Variants in ATP6V1A observed in about 807,000 individuals in gnomAD.
The protein encoded by ATP6V1A is V-type proton ATPase catalytic subunit A.
ATP6V1A carries 18 observed loss-of-function variants against 70.1 expected under a neutral mutation model. The observed-to-expected ratio is 0.26, with a 90% CI of 0.18 to 0.38. ATP6V1A has a LOEUF of 0.38. Ranked by LOEUF, ATP6V1A falls within the 10% of genes least tolerant of loss-of-function variation. ATP6V1A has a pLI of 1.00. For synonymous variants in ATP6V1A, 232 were observed against 253.8 expected (o/e 0.91, Z 0.82); for missense variants, 424 against 772.4 (o/e 0.55, Z 5.35).
chr3:113,757,483 C>G (rs1345843902), intron 1 of ATP6V1A, among the ~76,000 whole-genome samples: 1 of 152,192 alleles, frequency 6.6e-6, no homozygotes, highest in East Asian at 1.9e-4. Flanking sequence ...GACAACAAAC[C>G]CTTCTATGCC....
At chr3:113,775,862 A>G (rs1369209100) in intron 1 of ATP6V1A, among the ~76,000 whole-genome samples, 1 of 152,178 alleles carries the variant, frequency 6.6e-6, no homozygotes. Context: ...CACCTCATTC[A>G]CTTGTTCACT....
chr3:113,762,985 C>G (rs555705766), intron 1 of ATP6V1A, among the ~76,000 whole-genome samples: 8 of 152,198 alleles, frequency 5.3e-5, no homozygotes, highest in Admixed American at 2.6e-4. Context: ...CAATTTTTTC[C>G]CCATGTTTCC....
intron 1 of ATP6V1A, among the ~76,000 whole-genome samples, chr3:113,759,291 T>G (rs941941437): frequency 1.3e-5 from 2 of 151,396 alleles, no homozygotes; most frequent in South Asian, 2.1e-4. Flanking sequence ...TTACGGGTTT[T>G]TTTTTTTTTT....
chr3:113,808,848 T>A (rs1246076881), intron 14 of ATP6V1A, among the ~76,000 whole-genome samples: 1 of 152,170 alleles, frequency 6.6e-6, no homozygotes, highest in African/African-American at 2.4e-5. Flanking sequence ...TCTTTCTGTT[T>A]GGTTGGATTT....
intron 1 of ATP6V1A, among the ~76,000 whole-genome samples, chr3:113,748,553 TTTTG>T (rs1662256628): frequency 6.6e-6 from 1 of 152,222 alleles, no homozygotes; most frequent in African/African-American, 2.4e-5. Context: ...ACTGATTTAT[TTTTG>T]TTTTTCTGTG....
chr3:113,782,604 A>G lies in ATP6V1A; in HGVS notation c.211+1426A>G, dbSNP rs140377014. Among the ~76,000 whole-genome samples, 32 of 146,332 alleles carry G rather than the reference A, an allele frequency of 2.2e-4. No individual in the cohort carries two copies. The East Asian group carries it at 2.4e-3, about 11-fold the overall frequency. On this transcript the variant is annotated intron_variant, in intron 3 of 14. Transcript: ENST00000273398. ...TATATACACATATATATATATATAC[A>G]TATATATATGGTTTTTTTGTTTGTT... is the stretch of plus-strand genomic sequence containing the variant.
chr3:113,781,133 C>T lies in ATP6V1A; in HGVS notation c.166C>T (p.Arg56Ter). The change falls in exon 3 of 15, where the codon CGA becomes TGA. Residue 56 changes from arginine to a stop codon, truncating the protein, a stop_gained. Transcript: ENST00000273398. LOFTEE classifies it high-confidence loss of function. ...CAGCGAATTGGTTGGAGAGATTATT[C>T]GATTGGAGGGTGACATGGCTACTAT... Reference protein sequence around the residue: ...GHSELVGEIIRLEGDMATIQV... With the variant: ...GHSELVGEII 5 of 1,613,578 alleles carry T rather than the reference C, an allele frequency of 3.1e-6. No individual in the cohort carries two copies. Among genetic ancestry groups the T allele is most frequent in the Non-Finnish European group, 2.5e-6 (3 of 1,179,714 alleles).
At chr3:113,801,543 A>G (rs1013109919) in intron 12 of ATP6V1A, among the ~76,000 whole-genome samples, 39 of 152,206 alleles carry the variant, frequency 2.6e-4, no homozygotes, top group East Asian at 3.8e-4. Flanking sequence ...GAACCTAGCA[A>G]TTCTGTTTCT....
In ATP6V1A at chr3:113,762,144, C is replaced by A. The variant is rs559961719; in HGVS notation, c.-14+15031C>A. Among the ~76,000 whole-genome samples the A allele has an allele frequency of 1.6e-4, 20 of 128,196 alleles. 1 individual carries two copies. In the South Asian group the frequency reaches 4.0e-3, roughly 25 times the overall value. The allele number at this position is 128,196 out of a possible 152,430, so 84.1% of individuals were successfully genotyped here. A position where few individuals can be genotyped will look rare whatever the true frequency, so the allele number is the denominator to read the frequency against. On this transcript the variant is annotated intron_variant, in intron 1 of 14. Transcript: ENST00000273398. The stretch of plus-strand genomic sequence containing the variant: ...TGCAGCCTGGGCAACAAGAGCAAAA[C>A]TCTGTCTCAAAAAAAAAAAAGTTTC...
chr3:113,784,532 T>C lies in ATP6V1A; in HGVS notation c.426+94T>C, dbSNP rs1214624861. ...ATTGTACTCTTAGTCCAAATAAAAA[T>C]AGACTACAGAAGGATAGTTTAAAGT... On this transcript the variant is annotated intron_variant, in intron 4 of 14. Coordinates refer to ENST00000273398, the MANE Select transcript of ATP6V1A (RefSeq NM_001690.4). 2.9e-6 allele frequency: 4 copies of C among 1,399,266 alleles called. No homozygotes were observed. The East Asian group carries it at 9.3e-5, about 33-fold the overall frequency. 86.7% of individuals were successfully genotyped at this position (1,399,266 alleles called of 1,614,324 possible).
chr3:113,794,838 A>G (rs998985179), intron 8 of ATP6V1A, 34 bp from the exon 9 acceptor site: 7 of 1,585,000 alleles, frequency 4.4e-6, no homozygotes, highest in Non-Finnish European at 6.0e-6. Context: ...ATATGCTAGC[A>G]TTGTAACTTA....
At position 113,788,770 on chromosome 3, in the gene ATP6V1A, G is replaced by A; in HGVS notation, c.774G>A (p.Val258=). Reference sequence around the variant, plus strand: ...GAGCCTTTGGCTGTGGAAAGACAGTGATATCACAGTCTCTATCCAAGTATT... The same window carrying A: ...GAGCCTTTGGCTGTGGAAAGACAGTAATATCACAGTCTCTATCCAAGTATT... ...IPGAFGCGKT[V]ISQSLSKYSN... The change falls in exon 7 of 15, where the codon GTG becomes GTA. Residue 258 remains valine (V), a synonymous_variant. Transcript: ENST00000273398. 8 of 1,613,996 alleles carry A rather than the reference G, an allele frequency of 5.0e-6. No individual in the cohort carries two copies. Among genetic ancestry groups the A allele is most frequent in the Non-Finnish European group, 6.8e-6 (8 of 1,179,928 alleles).
chr3:113,760,735 A>G (rs1708694056), intron 1 of ATP6V1A, among the ~76,000 whole-genome samples: 1 of 151,848 alleles, frequency 6.6e-6, no homozygotes, highest in Admixed American at 6.6e-5. Context: ...TCAAAAAAAT[A>G]AAAAATAAAA....
At chr3:113,786,652 C>G (rs1709042855) in intron 6 of ATP6V1A, among the ~76,000 whole-genome samples, 1 of 150,034 alleles carries the variant, frequency 6.7e-6, no homozygotes, top group African/African-American at 2.4e-5. Context: ...AAATCTGTAC[C>G]AAAACATTTA....
intron 6 of ATP6V1A, among the ~76,000 whole-genome samples, chr3:113,788,395 C>T (rs34594860): frequency 0.024 from 3,656 of 151,854 alleles, 75 homozygotes; most frequent in Non-Finnish European, 0.036. Flanking sequence ...AGTGCAAAGG[C>T]GCGATCTCGG....
intron 8 of ATP6V1A, 114 bp from the exon 9 acceptor site, chr3:113,794,758 C>T: frequency 1.7e-6 from 2 of 1,210,770 alleles, no homozygotes; most frequent in Non-Finnish European, 1.1e-6. Context: ...TTTGAGGGAG[C>T]CACTAGCAGT....
Position 113,795,217 on chromosome 3 carries a change from A to G in ATP6V1A, c.1226+13A>G, listed in dbSNP as rs1709140533. The G allele has an allele frequency of 6.2e-7, 1 of 1,608,060 alleles. No homozygotes were observed. Among genetic ancestry groups the G allele is most frequent in the Non-Finnish European group, 8.5e-7 (1 of 1,178,042 alleles). ...GCATTGTAGGAGCGTAAGCACCCAC[A>G]CTATTTACTTTGCAAAAGGAAAAAA... is the stretch of plus-strand genomic sequence containing the variant. On this transcript the variant is annotated intron_variant, in intron 10 of 14. Coordinates refer to ENST00000273398, the MANE Select transcript of ATP6V1A (RefSeq NM_001690.4).
At chr3:113,760,525 G>A (rs1197069325) in intron 1 of ATP6V1A, among the ~76,000 whole-genome samples, 1 of 151,680 alleles carries the variant, frequency 6.6e-6, no homozygotes, top group Non-Finnish European at 1.5e-5. Context: ...TCAAGAGATC[G>A]AGACCATCCT....
rs2108050570 is a variant in ATP6V1A, at chr3:113,811,932, C to T, written c.*2505C>T. The T allele has an allele frequency of 6.6e-6, 1 of 152,660 alleles. No individual in the cohort carries two copies. Among genetic ancestry groups the T allele is most frequent in the Non-Finnish European group, 1.5e-5 (1 of 67,994 alleles). 9.5% of individuals were successfully genotyped at this position (152,660 alleles called of 1,614,324 possible). ...TGTACTTTGAAAATTTCCTTCCATC[C>T]TGAATAACGAATAGAAGAGGCCATA... is the stretch of plus-strand genomic sequence containing the variant. On this transcript the variant is annotated 3_prime_UTR_variant, in exon 15 of 15. Coordinates refer to ENST00000273398, the MANE Select transcript of ATP6V1A (RefSeq NM_001690.4).
Sources: gnomAD v4.1 joint callset for allele counts (sites outside exome capture counted in the v4.1 genomes callset) on GRCh38, gnomAD v4.1.1 for gene constraint, MANE v1.5 for transcripts, NCBI Gene and HGNC (gene_info 2026-07-23, HGNC 2026-07-21) for gene names.